SLC5A6: variants seen among roughly 807,000 people sequenced by gnomAD.
The protein encoded by SLC5A6 is sodium-dependent multivitamin transporter.
A neutral mutation model predicts 67.9 loss-of-function variants in SLC5A6; 31 were observed. The observed-to-expected ratio is 0.46, with a 90% CI of 0.34 to 0.62. The LOEUF is 0.62. SLC5A6 is among the 20% of genes least tolerant of loss of function. The pLI is 0.01. For synonymous variants in SLC5A6, 343 were observed against 331.0 expected, an observed-to-expected ratio of 1.04 and a Z score of -0.39; for missense variants, 673 against 812.8, an observed-to-expected ratio of 0.83 and a Z score of 2.09.
At chr2:27,212,603 G>GC, upstream of SLC5A6, 15 of 1,437,726 alleles carry the variant, frequency 1.0e-5, no homozygotes, top group Non-Finnish European at 1.2e-5. Context: ...ACCCTGCCCA[G>GC]CCAGGTCCTG....
intron 9 of SLC5A6, 25 bp downstream of exon 9, chr2:27,204,436 T>A: frequency 6.3e-7 from 1 of 1,598,946 alleles, no homozygotes; most frequent in Non-Finnish European, 8.5e-7. Context: ...CCTGCCCTCA[T>A]GGGAACAGAA....
At chr2:27,200,719 G>A (rs960805765) in intron 16 of SLC5A6, 140 bp from the exon 17 acceptor site, 7 of 799,888 alleles carry the variant, frequency 8.8e-6, no homozygotes, top group Non-Finnish European at 1.4e-5. Context: ...AAAAGAGGGA[G>A]GGCATAGCAC....
rs759395779 is a variant in SLC5A6, at chr2:27,206,036, T to G, written c.569A>C (p.Tyr190Ser). 1 of 1,613,818 alleles carries G rather than the reference T, an allele frequency of 6.2e-7. No individual in the cohort carries two copies. The highest frequency in any genetic ancestry group is 8.5e-7 in the Non-Finnish European group (1 of 1,179,704). ...VLALGIVCTV[Y>S]TALGGLKAVI... The stretch of plus-strand genomic sequence containing the variant: ...GCTTACTGCACTTACCAGAGCTGTA[T>G]AGACGGTACAGACAATGCCCAGGGC... The change falls in exon 6 of 17, where the codon TAT (tyrosine) becomes TCT (serine). Residue 190 changes from tyrosine (Y) to serine (S), a missense_variant. Coordinates refer to ENST00000310574, the MANE Select transcript of SLC5A6 (RefSeq NM_021095.4).
intron 10 of SLC5A6, 95 bp from the exon 11 acceptor site, chr2:27,203,440 G>T: frequency 9.2e-7 from 1 of 1,090,712 alleles, no homozygotes; most frequent in Non-Finnish European, 1.3e-6. Flanking sequence ...GCGGGGAGAT[G>T]ACAGGTACCA....
chr2:27,212,774 A>G (rs1674640857), upstream of SLC5A6: 2 of 749,894 alleles, frequency 2.7e-6, no homozygotes, highest in South Asian at 2.3e-5. Flanking sequence ...CACGAACGCC[A>G]TATATCGTGC....
At chr2:27,205,990 C>T (rs368699755) in intron 6 of SLC5A6, 36 bp downstream of exon 6, 95 of 1,502,816 alleles carry the variant, frequency 6.3e-5, no homozygotes, top group Non-Finnish European at 8.5e-5. Flanking sequence ...TTACTTCATC[C>T]CTTCCCCTCC....
chr2:27,200,909 G>C (rs557862199), intron 16 of SLC5A6, 89 bp downstream of exon 16: 71 of 836,232 alleles, frequency 8.5e-5, no homozygotes, highest in Admixed American at 4.7e-4. Flanking sequence ...CCGGGGCAGG[G>C]GGAGAGAAAA....
At chr2:27,206,437 T>C in intron 5 of SLC5A6, 46 bp downstream of exon 5, 1 of 1,591,272 alleles carries the variant, frequency 6.3e-7, no homozygotes. Flanking sequence ...AAAGGTGCTT[T>C]CCTAACCTAC....
At chr2:27,212,724 C>T (rs1034641410), upstream of SLC5A6, 2 of 1,157,302 alleles carry the variant, frequency 1.7e-6, no homozygotes, top group Middle Eastern at 3.0e-4. Flanking sequence ...TAAGTTCTTT[C>T]TACAGACGGG....
intron 6 of SLC5A6, among the ~76,000 whole-genome samples, chr2:27,205,793 T>C (rs1477069461): frequency 6.6e-5 from 10 of 152,172 alleles, no homozygotes. Flanking sequence ...GTGAGGGGAC[T>C]CTCCTGCCAT....
In SLC5A6 at chr2:27,212,146, A is replaced by T; in HGVS notation, c.-334T>A. 6.5e-7 allele frequency: 1 copy of T among 1,526,766 alleles called. No homozygotes were observed. The highest frequency in any genetic ancestry group is 8.8e-7 in the Non-Finnish European group (1 of 1,139,662). 94.6% of individuals were successfully genotyped at this position (1,526,766 alleles called of 1,614,324 possible). ...CCGCGCGGCGACGGGGGAGGCCTTC[A>T]CTAAAGGGGAAAAGGAAGAGGGGGT... is the stretch of plus-strand genomic sequence containing the variant. On this transcript the variant is annotated 5_prime_UTR_variant, in exon 1 of 17. Transcript: ENST00000310574.
At chr2:27,203,721 C>A in intron 10 of SLC5A6, 58 bp downstream of exon 10, 1 of 1,316,474 alleles carries the variant, frequency 7.6e-7, no homozygotes, top group South Asian at 1.2e-5. Flanking sequence ...CACCCATCAC[C>A]TTGTACCAAA....
rs777618222 is a variant in SLC5A6, at chr2:27,207,337, C to T, written c.314G>A (p.Cys105Tyr). 1.2e-6 allele frequency: 2 copies of T among 1,614,158 alleles called. No individual in the cohort carries two copies. The highest frequency in any genetic ancestry group is 2.2e-5 in the East Asian group (1 of 44,884). Residue 105 changes from cysteine (C) to tyrosine (Y), a missense_variant, in exon 3 of 17, where the codon TGC becomes TAC. Physicochemically the swap from Cys to Tyr is radical, Grantham distance 194 (BLOSUM62 -2). Coordinates refer to ENST00000310574, the MANE Select transcript of SLC5A6 (RefSeq NM_021095.4). This position sits in a 1 kb window ranked among gnomAD's most constrained non-coding sequence, Gnocchi z 5.5. ...AGGTATCAGCAGCCCCAGAAAGTAG[C>T]AGCAGCCCAGGAACCAATATTGGGT... ...FGTQYWFLGC[C>Y]YFLGLLIPAH...
intron 5 of SLC5A6, 32 bp downstream of exon 5, chr2:27,206,451 G>A (rs765479360): frequency 4.0e-5 from 64 of 1,608,714 alleles, no homozygotes; most frequent in South Asian, 5.5e-5. Context: ...AACCTACCAC[G>A]GCTGAAAGCC....
chr2:27,203,549 G>A (rs1398768415), intron 10 of SLC5A6, among the ~76,000 whole-genome samples: 3 of 152,004 alleles, frequency 2.0e-5, no homozygotes, highest in African/African-American at 4.8e-5. Flanking sequence ...GGTTTCATTC[G>A]AGTAGATCAA....
chr2:27,207,083 C>T lies in SLC5A6; in HGVS notation c.394-141G>A. 4 of 1,017,934 alleles carry T rather than the reference C, an allele frequency of 3.9e-6. No individual in the cohort carries two copies. In the South Asian group the frequency reaches 5.5e-5, roughly 14 times the overall value. 63.1% of individuals were successfully genotyped at this position (1,017,934 alleles called of 1,614,324 possible). On this transcript the variant is annotated intron_variant, in intron 3 of 16. Transcript: ENST00000310574. This position sits in a 1 kb window ranked among gnomAD's most constrained non-coding sequence, Gnocchi z 5.5. ...CCTACTCGGCATAGCACCCTCCTCTCCAATCCTGCCCCTATACCTAACATC... is the reference window on the plus strand; with the variant it reads ...CCTACTCGGCATAGCACCCTCCTCTTCAATCCTGCCCCTATACCTAACATC...
rs960596651 is a variant in SLC5A6 at position 27,203,106 on chromosome 2, G to A, written c.1207+127C>T. 4 of 1,526,962 alleles carry A rather than the reference G, an allele frequency of 2.6e-6. No individual in the cohort carries two copies. In the South Asian group the frequency reaches 5.3e-5, roughly 20 times the overall value. The allele number at this position is 1,526,962 out of a possible 1,614,324, so 94.6% of individuals were successfully genotyped here. ...GGAAACAACCATGCATGCAGGGAAG[G>A]TTGTGTGCTTCATTAGGCAAGTGCT... On this transcript the variant is annotated intron_variant, in intron 11 of 16. Coordinates refer to ENST00000310574, the MANE Select transcript of SLC5A6 (RefSeq NM_021095.4).
At chr2:27,212,644 G>C, upstream of SLC5A6, 1 of 1,402,698 alleles carries the variant, frequency 7.1e-7, no homozygotes, top group Non-Finnish European at 9.2e-7. Flanking sequence ...GCAGGCCTTC[G>C]GCGCCCCAGT....
chr2:27,201,264 A>G (rs758503606), intron 15 of SLC5A6, 86 bp downstream of exon 15: 12 of 1,029,708 alleles, frequency 1.2e-5, no homozygotes, highest in Admixed American at 2.0e-5. Flanking sequence ...AAGAGCTCAG[A>G]GGGCAGGAGC....
Sources: gnomAD v4.1 joint callset for allele counts (sites outside exome capture counted in the v4.1 genomes callset) on GRCh38, gnomAD v4.1.1 for gene constraint, Gnocchi (gnomAD v3.1) non-coding constraint, MANE v1.5 for transcripts, NCBI Gene and HGNC (gene_info 2026-07-23, HGNC 2026-07-21) for gene names.